Variants in TRH observed in about 807,000 individuals in gnomAD.
The protein encoded by TRH is TSH-releasing factor.
In TRH, 5 loss-of-function variants were observed where a neutral mutation model predicts 5.2. The observed-to-expected ratio is 0.95, with a 90% CI of 0.50 to 2.00. The LOEUF (loss-of-function observed/expected upper bound fraction) is 2.00, where lower values mean the gene tolerates loss of function less well. Among genes scored for constraint, TRH ranks in the 30% most tolerant of loss-of-function variants. TRH has a pLI of 0.01. For missense variants in TRH, 318 were observed against 312.8 expected, an observed-to-expected ratio of 1.02 and a Z score of -0.13; for synonymous variants, 131 against 128.6, an observed-to-expected ratio of 1.02 and a Z score of -0.13.
chr3:129,975,779 C>A (rs1224633668), intron 1 of TRH, 30 bp from the exon 2 acceptor site: 23 of 1,553,920 alleles, frequency 1.5e-5, no homozygotes, highest in Non-Finnish European at 1.9e-5. Context: ...TGATTCGGTG[C>A]GCTCAGGCTC....
Position 129,977,472 on chromosome 3 carries a change from C to A in TRH, c.*256C>A. 5.7e-6 allele frequency: 2 copies of A among 353,176 alleles called. No individual in the cohort carries two copies. The highest frequency in any genetic ancestry group is 7.7e-4 in the Middle Eastern group (1 of 1,294). 21.9% of individuals were successfully genotyped at this position (353,176 alleles called of 1,614,324 possible). A position where few individuals can be genotyped will look rare whatever the true frequency, so the allele number is the denominator to read the frequency against. The stretch of plus-strand genomic sequence containing the variant: ...ATAGGCAAGGGGGCAGATCCCAGAG[C>A]CCCTCTCACCCCCCCCACCACAGGC... On this transcript the variant is annotated 3_prime_UTR_variant, in exon 3 of 3. Transcript: ENST00000302649.
At chr3:129,976,557 C>T (rs1425198972) in intron 2 of TRH, 142 bp from the exon 3 acceptor site, 3 of 950,532 alleles carry the variant, frequency 3.2e-6, no homozygotes, top group Non-Finnish European at 4.7e-6. Context: ...TCTGTGAGGC[C>T]TGAGGGGCAG....
chr3:129,975,038 T>G (rs1191767402), intron 1 of TRH, among the ~76,000 whole-genome samples: 2 of 152,124 alleles, frequency 1.3e-5, no homozygotes, highest in Non-Finnish European at 2.9e-5. Context: ...AGGCTCTCGC[T>G]GCTGGGCACT....
At chr3:129,975,131 G>A (rs894611234) in intron 1 of TRH, among the ~76,000 whole-genome samples, 2 of 152,190 alleles carry the variant, frequency 1.3e-5, no homozygotes, top group African/African-American at 4.8e-5. Context: ...TGGGTATTCA[G>A]GGCGTCGGCC....
rs200306417 is a variant in TRH at position 129,977,014 on chromosome 3, G to A, written c.527G>A (p.Arg176Lys). ...SWEEEEEEEE[R>K]EEDLMPEKRQ... ...GAAGAAGAGGAGGAGGAGGAAGAGA[G>A]AGAGGAAGACCTGATGCCTGAAAAA... Residue 176 changes from arginine to lysine, a missense_variant, in exon 3 of 3, where the codon AGA (arginine) becomes AAA (lysine). Transcript: ENST00000302649. 106 of 1,613,630 alleles carry A rather than the reference G, an allele frequency of 6.6e-5. No individual in the cohort carries two copies. Among genetic ancestry groups the A allele is most frequent in the Non-Finnish European group, 3.2e-5 (38 of 1,179,856 alleles).
Position 129,976,859 on chromosome 3 carries a change from A to G in TRH, c.372A>G (p.Ser124=), listed in dbSNP as rs1349044479. The change falls in exon 3 of 3, where the codon TCA becomes TCG. Residue 124 remains serine, a synonymous_variant. Transcript: ENST00000302649. The stretch of plus-strand genomic sequence containing the variant: ...CTGGCCGACGAGAAGATGAGGCTTC[A>G]TGGTCAGTCGATGTAACCCAGCACA... ...QHPGRREDEA[S]WSVDVTQHKR... The G allele has an allele frequency of 1.2e-6, 2 of 1,613,104 alleles. No individual in the cohort carries two copies. Among genetic ancestry groups the G allele is most frequent in the South Asian group, 1.1e-5 (1 of 91,030 alleles).
chr3:129,977,391 G>A lies in TRH; in HGVS notation c.*175G>A. The A allele has an allele frequency of 1.2e-6, 1 of 819,508 alleles. No homozygotes were observed. The highest frequency in any genetic ancestry group is 1.7e-6 in the Non-Finnish European group (1 of 589,494). The allele number at this position is 819,508 out of a possible 1,614,324, so 50.8% of individuals were successfully genotyped here. On this transcript the variant is annotated 3_prime_UTR_variant, in exon 3 of 3. Transcript: ENST00000302649. ...CCCCTGGCCTTGCCCTCTTCCTTTA[G>A]GCATGTGAGAAAATCAGCCTAGCAG...
At position 129,976,999 on chromosome 3, in the gene TRH, A is replaced by G. The variant is rs755810320; in HGVS notation, c.512A>G (p.Glu171Gly). Residue 171 changes from glutamate to glycine, a missense_variant, in exon 3 of 3, where the codon GAG (glutamate) becomes GGG (glycine). Coordinates refer to ENST00000302649, the MANE Select transcript of TRH (RefSeq NM_007117.5). ...PKAQRSWEEE[E>G]EEEEREEDLM... ...GCTCAAAGGAGCTGGGAAGAAGAGGAGGAGGAGGAAGAGAGAGAGGAAGAC... is the reference window on the plus strand; with the variant it reads ...GCTCAAAGGAGCTGGGAAGAAGAGGGGGAGGAGGAAGAGAGAGAGGAAGAC... 5.6e-6 allele frequency: 9 copies of G among 1,613,484 alleles called. No individual in the cohort carries two copies. The Admixed American group carries it at 1.0e-4, about 18-fold the overall frequency.
Position 129,976,931 on chromosome 3 carries a change from C to T in TRH, c.444C>T (p.Val148=). ...GCTCCCCCTGGCTTGCATATGCTGT[C>T]CCGAAGCGGCAGCACCCAGGCAGAA... ...GRRSPWLAYA[V]PKRQHPGRRL... Residue 148 remains valine, a synonymous_variant, in exon 3 of 3, where the codon GTC becomes GTT. Coordinates refer to ENST00000302649, the MANE Select transcript of TRH (RefSeq NM_007117.5). 6.2e-7 allele frequency: 1 copy of T among 1,613,100 alleles called. No homozygotes were observed. The highest frequency in any genetic ancestry group is 1.1e-5 in the South Asian group (1 of 91,018).
intron 1 of TRH, 66 bp from the exon 2 acceptor site, chr3:129,975,743 C>T: frequency 3.4e-6 from 5 of 1,459,714 alleles, no homozygotes; most frequent in Non-Finnish European, 4.6e-6. Flanking sequence ...TGGCGGGCGT[C>T]GGGGGAGATG....
intron 1 of TRH, 81 bp from the exon 2 acceptor site, chr3:129,975,728 G>A: frequency 7.1e-7 from 1 of 1,414,744 alleles, no homozygotes; most frequent in Non-Finnish European, 9.5e-7. Flanking sequence ...TGCGTGGTTT[G>A]TTTCTGGCGG....
chr3:129,975,675 C>T, intron 1 of TRH, 134 bp from the exon 2 acceptor site: 1 of 987,424 alleles, frequency 1.0e-6, no homozygotes, highest in East Asian at 2.7e-5. Flanking sequence ...CCCGCCCCTG[C>T]ACGAGGGGCA....
rs1249549020 is a variant in TRH at position 129,975,897 on chromosome 3, G to C, written c.81G>C (p.Glu27Asp). ...TCCCCGGCGGCCGTGCTCAGCCAGA[G>C]GCGGCCCAGCAGGAGGCAGTGACGG... ...TGVPGGRAQP[E>D]AAQQEAVTAA... is the part of the protein sequence containing the mutation. Residue 27 changes from glutamate (E) to aspartate (D), a missense_variant, in exon 2 of 3, where the codon GAG becomes GAC. Transcript: ENST00000302649. 8 of 1,613,178 alleles carry C rather than the reference G, an allele frequency of 5.0e-6. No homozygotes were observed. Among genetic ancestry groups the C allele is most frequent in the Non-Finnish European group, 6.8e-6 (8 of 1,179,860 alleles).
rs1298665211 is a variant in TRH at position 129,976,682 on chromosome 3, C to A, written c.212-17C>A. The A allele has an allele frequency of 1.2e-6, 2 of 1,604,412 alleles. No homozygotes were observed. Among genetic ancestry groups the A allele is most frequent in the African/African-American group, 2.7e-5 (2 of 74,606 alleles). On this transcript the variant is annotated splice_polypyrimidine_tract_variant and intron_variant, in intron 2 of 2. Transcript: ENST00000302649. ...ACATGGGTCAGGGGCCCCTCACTGA[C>A]CTCTTTCCTTCCCCAGCGTCCCAGA... is the stretch of plus-strand genomic sequence containing the variant.
chr3:129,975,673 T>C, intron 1 of TRH, 136 bp from the exon 2 acceptor site: 1 of 988,382 alleles, frequency 1.0e-6, no homozygotes. Context: ...CTCCCGCCCC[T>C]GCACGAGGGG....
At chr3:129,975,498 A>G (rs903362398) in intron 1 of TRH, among the ~76,000 whole-genome samples, 12 of 152,112 alleles carry the variant, frequency 7.9e-5, no homozygotes, top group African/African-American at 2.9e-4. Flanking sequence ...TGGCTTCCCC[A>G]GTTCCGCGTC....
Position 129,975,926 on chromosome 3 carries a change from C to A in TRH, c.110C>A (p.Ala37Glu), listed in dbSNP as rs1016103822. The change falls in exon 2 of 3, where the codon GCG becomes GAG. Residue 37 changes from alanine (A) to glutamate (E), a missense_variant. Coordinates refer to ENST00000302649, the MANE Select transcript of TRH (RefSeq NM_007117.5). ...EAAQQEAVTA[A>E]EHPGLDDFLR... ...GCCCAGCAGGAGGCAGTGACGGCCG[C>A]GGAGCATCCGGGCCTGGATGACTTC... The A allele has an allele frequency of 1.9e-6, 3 of 1,613,546 alleles. No homozygotes were observed. Among genetic ancestry groups the A allele is most frequent in the South Asian group, 1.1e-5 (1 of 91,062 alleles).
intron 2 of TRH, 78 bp from the exon 3 acceptor site, chr3:129,976,621 G>C: frequency 6.1e-6 from 9 of 1,486,364 alleles, no homozygotes; most frequent in Non-Finnish European, 8.1e-6. Flanking sequence ...CTGCCTGGGA[G>C]AAAAGCAGGA....
Position 129,975,981 on chromosome 3 carries a change from C to G in TRH, c.165C>G (p.Leu55=). ...FLRQVERLLF[L]RENIQRLQGD... ...GCCAGGTGGAGCGCCTCCTCTTCCT[C>G]CGGGAAAACATCCAGCGGCTGCAAG... is the stretch of plus-strand genomic sequence containing the variant. The change falls in exon 2 of 3, where the codon CTC becomes CTG. Residue 55 remains leucine, a synonymous_variant. Coordinates refer to ENST00000302649, the MANE Select transcript of TRH (RefSeq NM_007117.5). 1 of 1,614,150 alleles carries G rather than the reference C, an allele frequency of 6.2e-7. No individual in the cohort carries two copies. Among genetic ancestry groups the G allele is most frequent in the Middle Eastern group, 1.7e-4 (1 of 6,056 alleles).
Sources: allele counts gnomAD v4.1 joint callset (sites outside exome capture counted in the v4.1 genomes callset), GRCh38; gene constraint gnomAD v4.1.1; transcripts MANE v1.5; gene names NCBI Gene and HGNC (gene_info 2026-07-23, HGNC 2026-07-21).